Variants in HLCS observed in about 807,000 individuals in gnomAD.
HLCS encodes holocarboxylase synthetase, also known as biotin--protein ligase.
Under a neutral mutation model 75.0 loss-of-function variants are expected in HLCS, and 53 were observed. The ratio of observed to expected loss-of-function variants is 0.71; its 90% CI spans 0.57 to 0.89. HLCS has a LOEUF of 0.89. HLCS is among the 40% of genes least tolerant of loss of function. The pLI, the probability that HLCS is intolerant of heterozygous loss-of-function variation, is 0.00. For missense variants in HLCS, 966 were observed against 1,074.0 expected, an observed-to-expected ratio of 0.90 and a Z score of 1.41; for synonymous variants, 431 against 428.6, an observed-to-expected ratio of 1.01 and a Z score of -0.07.
intron 6 of HLCS, among the ~76,000 whole-genome samples, chr21:36,895,205 T>A (rs184583697): frequency 6.6e-6 from 1 of 152,328 alleles, no homozygotes; most frequent in African/African-American, 2.4e-5. Context: ...TATTTTTCTA[T>A]CTGAACTTCA....
At chr21:36,954,951 A>G (rs968718456) in intron 2 of HLCS, among the ~76,000 whole-genome samples, 1 of 152,082 alleles carries the variant, frequency 6.6e-6, no homozygotes, top group Non-Finnish European at 1.5e-5. Flanking sequence ...AATCCCAGCT[A>G]CTTGGGAGGC....
intron 6 of HLCS, among the ~76,000 whole-genome samples, chr21:36,822,952 A>G (rs897550893): frequency 6.6e-6 from 1 of 152,222 alleles, no homozygotes; most frequent in Non-Finnish European, 1.5e-5. Context: ...TAAATGTATC[A>G]CTCACTAAAA....
intron 6 of HLCS, among the ~76,000 whole-genome samples, chr21:36,813,845 C>G (rs567740662): frequency 6.6e-6 from 1 of 152,260 alleles, no homozygotes; most frequent in East Asian, 1.9e-4. Flanking sequence ...GGCCAATAAA[C>G]GAGAGCTTCG....
Position 36,949,595 on chromosome 21 carries a change from G to A in HLCS, c.331-10601C>T, listed in dbSNP as rs1002115728. On this transcript the variant is annotated intron_variant, in intron 2 of 10. Coordinates refer to ENST00000674895, the MANE Select transcript of HLCS (RefSeq NM_001352514.2). ...TAAGGTCAGTTCAGATTCAAGGGAG[G>A]GGGAAGTGACTCCACCTCTCAATAG... is the stretch of plus-strand genomic sequence containing the variant. Among the ~76,000 whole-genome samples the A allele has an allele frequency of 5.1e-4, 77 of 152,204 alleles. 2 individuals carry two copies. Among genetic ancestry groups the A allele is most frequent in the Non-Finnish European group, 1.9e-4 (13 of 68,042 alleles).
At chr21:36,910,630 C>G (rs574520783) in intron 5 of HLCS, among the ~76,000 whole-genome samples, 3 of 151,944 alleles carry the variant, frequency 2.0e-5, no homozygotes, top group Non-Finnish European at 4.4e-5. Context: ...ATCTGACAAC[C>G]CTTGGGGTGG....
chr21:36,934,584 C>A (rs909062368), intron 4 of HLCS, among the ~76,000 whole-genome samples: 1 of 152,324 alleles, frequency 6.6e-6, no homozygotes, highest in South Asian at 2.1e-4. Context: ...ATCAGTACAG[C>A]GAGCATACAA....
chr21:36,930,239 C>T lies in HLCS; in HGVS notation c.1620+12G>A. Reference sequence around the variant, plus strand: ...TCACAGCGCGCTCTGCCCAGCTGAGCCCACAACTCACCTCCGCAGCTGACA... The same window carrying T: ...TCACAGCGCGCTCTGCCCAGCTGAGTCCACAACTCACCTCCGCAGCTGACA... On this transcript the variant is annotated intron_variant, in intron 5 of 10. Transcript: ENST00000674895. The T allele has an allele frequency of 6.2e-7, 1 of 1,609,772 alleles. No individual in the cohort carries two copies. The highest frequency in any genetic ancestry group is 8.5e-7 in the Non-Finnish European group (1 of 1,176,770).
At chr21:36,981,234 A>G (rs1052887482) in intron 1 of HLCS, among the ~76,000 whole-genome samples, 1 of 152,226 alleles carries the variant, frequency 6.6e-6, no homozygotes, top group Admixed American at 6.5e-5. Context: ...AGTGACAGAC[A>G]AAAGTAGCCA....
chr21:36,759,234 T>C, intron 9 of HLCS: 1 of 470,768 alleles, frequency 2.1e-6, no homozygotes, highest in South Asian at 1.6e-5. Context: ...TGAATCCATC[T>C]TCTTGCCTGA....
At chr21:36,938,066 T>C (rs552959579) in intron 3 of HLCS, among the ~76,000 whole-genome samples, 12 of 152,326 alleles carry the variant, frequency 7.9e-5, no homozygotes, top group Admixed American at 7.8e-4. Flanking sequence ...AGCCTGCTTT[T>C]AAGTCTAATT....
chr21:36,927,895 A>T (rs574121358), intron 5 of HLCS, among the ~76,000 whole-genome samples: 1 of 152,312 alleles, frequency 6.6e-6, no homozygotes, highest in African/African-American at 2.4e-5. Context: ...CCAATCCCTA[A>T]GGCAGGCGAT....
At chr21:36,788,768 G>T (rs138511782) in intron 6 of HLCS, among the ~76,000 whole-genome samples, 2 of 152,334 alleles carry the variant, frequency 1.3e-5, no homozygotes, top group East Asian at 3.9e-4. Flanking sequence ...CTTTGGTAAA[G>T]ATGAATGACT....
At chr21:36,928,911 T>A (rs371059755) in intron 5 of HLCS, among the ~76,000 whole-genome samples, 2 of 152,178 alleles carry the variant, frequency 1.3e-5, no homozygotes, top group Non-Finnish European at 2.9e-5. Context: ...ACTCCCTCAA[T>A]TGATCAATGA....
rs751009329 is a variant in HLCS, at chr21:36,896,918, A to G, written c.1834T>C (p.Leu612=). 7 of 1,613,944 alleles carry G rather than the reference A, an allele frequency of 4.3e-6. No individual in the cohort carries two copies. In the African/African-American group the frequency reaches 9.3e-5, roughly 22 times the overall value. The change falls in exon 6 of 11, where the codon TTG becomes CTG. Residue 612 remains leucine (L), a synonymous_variant. Transcript: ENST00000674895. ...IYRQNLQTKQ[L]GKVILFAEVT... is the part of the protein sequence containing the mutation. ...TCGGCAAACAAAATTACTTTCCCCA[A>G]CTGCTTGGTCTGCAGATTTTGGCGA...
At chr21:36,794,667 G>A (rs78279725) in intron 6 of HLCS, among the ~76,000 whole-genome samples, 1 of 152,198 alleles carries the variant, frequency 6.6e-6, no homozygotes, top group African/African-American at 2.4e-5. Context: ...AAGCTAACAG[G>A]GATGAGATAA....
chr21:36,788,603 T>C (rs1714146321), intron 6 of HLCS, among the ~76,000 whole-genome samples: 1 of 152,158 alleles, frequency 6.6e-6, no homozygotes, highest in Non-Finnish European at 1.5e-5. Context: ...ACCAGAGCAG[T>C]AATGAGTGTG....
intron 6 of HLCS, 41 bp downstream of exon 6, chr21:36,896,819 C>T (rs1569160709): frequency 6.2e-7 from 1 of 1,608,476 alleles, no homozygotes; most frequent in South Asian, 1.1e-5. Flanking sequence ...ATCAATGGAA[C>T]AGGACTCCTC....
chr21:36,966,734 G>C (rs1265727230), upstream of HLCS: 2 of 478,900 alleles, frequency 4.2e-6, no homozygotes, highest in African/African-American at 4.3e-5. Flanking sequence ...CCGCCCCCCC[G>C]GGCCAGGCGG....
intron 6 of HLCS, among the ~76,000 whole-genome samples, chr21:36,864,593 T>C (rs967557647): frequency 3.9e-5 from 6 of 152,182 alleles, no homozygotes; most frequent in African/African-American, 1.4e-4. Context: ...AAGCTCTAAG[T>C]GTTAAGTTTT....
Sources: allele counts gnomAD v4.1 joint callset (sites outside exome capture counted in the v4.1 genomes callset), GRCh38; gene constraint gnomAD v4.1.1; transcripts MANE v1.5; gene names NCBI Gene and HGNC (gene_info 2026-07-23, HGNC 2026-07-21).